The following RGL1 variants were observed in gnomAD, a reference collection of about 807,000 sequenced individuals.
RGL1 encodes the protein ral guanine nucleotide dissociation stimulator like 1.
In RGL1, 24 loss-of-function variants were observed where a neutral mutation model predicts 95.2. That is an observed-to-expected ratio of 0.25 (90% confidence interval 0.18 to 0.35). The LOEUF is 0.35. Among genes scored for constraint, RGL1 ranks in the 10% least tolerant of loss-of-function variants. RGL1 has a pLI of 1.00. For synonymous variants in RGL1, 329 were observed against 344.9 expected (o/e 0.95, Z 0.51); for missense variants, 715 against 936.3 (o/e 0.76, Z 3.08).
intron 1 of RGL1, among the ~76,000 whole-genome samples, chr1:183,644,273 C>T (rs971532190): frequency 4.6e-5 from 7 of 152,066 alleles, no homozygotes; most frequent in Non-Finnish European, 7.4e-5. Flanking sequence ...TGGGCAGTTA[C>T]TTAAATTATC....
chr1:183,910,939 A>G (rs1668608585), intron 14 of RGL1, among the ~76,000 whole-genome samples: 1 of 152,192 alleles, frequency 6.6e-6, no homozygotes, highest in Non-Finnish European at 1.5e-5. Flanking sequence ...TAAGCACATT[A>G]TTAGTTTTGT....
chr1:183,824,857 A>G (rs1298364354), intron 2 of RGL1, among the ~76,000 whole-genome samples: 3 of 148,036 alleles, frequency 2.0e-5, no homozygotes, highest in Non-Finnish European at 3.0e-5. Flanking sequence ...ATGCTTTCCT[A>G]ATGTTTGGGA....
chr1:183,791,959 T>C (rs1436905562), intron 2 of RGL1, among the ~76,000 whole-genome samples: 1 of 152,214 alleles, frequency 6.6e-6, no homozygotes, highest in Non-Finnish European at 1.5e-5. Flanking sequence ...TAATTTCCCA[T>C]GTATATGTAT....
chr1:183,739,197 C>G (rs1455307619), intron 1 of RGL1, among the ~76,000 whole-genome samples: 1 of 152,208 alleles, frequency 6.6e-6, no homozygotes, highest in Non-Finnish European at 1.5e-5. Context: ...ATGATCCATT[C>G]CCTGTGATGT....
At chr1:183,652,897 T>C (rs924327020) in intron 1 of RGL1, among the ~76,000 whole-genome samples, 1 of 152,184 alleles carries the variant, frequency 6.6e-6, no homozygotes, top group Non-Finnish European at 1.5e-5. Flanking sequence ...TTCCATAGTT[T>C]AACATAAATG....
At chr1:183,879,076 A>T (rs1666679441) in intron 4 of RGL1, among the ~76,000 whole-genome samples, 1 of 152,252 alleles carries the variant, frequency 6.6e-6, no homozygotes, top group African/African-American at 2.4e-5. Context: ...ATTTCATTTA[A>T]TCTGGACTAA....
rs548290030 is a variant in RGL1 at position 183,792,962 on chromosome 1, T to A, written c.133-13413T>A. Among the ~76,000 whole-genome samples, 210 of 152,214 alleles carry A rather than the reference T, an allele frequency of 1.4e-3. 1 individual carries two copies. Among genetic ancestry groups the A allele is most frequent in the Non-Finnish European group, 1.4e-3 (92 of 67,980 alleles). Reference sequence around the variant, plus strand: ...AGAAAAAACAGTCCTAAAATTTGTATGTAACAACAAAAGAGCCAGAATAGC... The same window carrying A: ...AGAAAAAACAGTCCTAAAATTTGTAAGTAACAACAAAAGAGCCAGAATAGC... On this transcript the variant is annotated intron_variant, in intron 2 of 18. Coordinates refer to the RGL1 transcript ENST00000304685.
At chr1:183,889,727 GA>G (rs1181294053) in intron 8 of RGL1, among the ~76,000 whole-genome samples, 2 of 151,952 alleles carry the variant, frequency 1.3e-5, no homozygotes, top group Admixed American at 6.6e-5. Flanking sequence ...TGGGTAAAAA[GA>G]AAAAAATAAA....
chr1:183,643,319 G>T (rs920439531), intron 1 of RGL1, among the ~76,000 whole-genome samples: 9 of 149,716 alleles, frequency 6.0e-5, no homozygotes, highest in African/African-American at 2.2e-4. Context: ...TTGAGACGGG[G>T]TCTCACTCTG....
At chr1:183,838,281 AG>A (rs1663802747) in intron 2 of RGL1, among the ~76,000 whole-genome samples, 1 of 152,220 alleles carries the variant, frequency 6.6e-6, no homozygotes, top group African/African-American at 2.4e-5. Context: ...CCAAGACTCC[AG>A]GAGTACTACT....
In RGL1 at chr1:183,817,882, C is replaced by T. The variant is rs557330310; in HGVS notation, c.138+11397C>T. Among the ~76,000 whole-genome samples, 3 of 152,286 alleles carry T rather than the reference C, an allele frequency of 2.0e-5. No homozygotes were observed. The East Asian group carries it at 5.8e-4, about 29-fold the overall frequency. ...ACCTCAGGAACCAGCTTTCAGACAA[C>T]GTACTGTTAAGGGTATCCTGGAGGG... On this transcript the variant is annotated intron_variant, in intron 2 of 17. Coordinates refer to ENST00000360851, the MANE Select transcript of RGL1 (RefSeq NM_001297671.3).
At chr1:183,788,023 A>G (rs1012427656) in intron 2 of RGL1, among the ~76,000 whole-genome samples, 2 of 152,156 alleles carry the variant, frequency 1.3e-5, no homozygotes, top group East Asian at 3.9e-4. Context: ...AGTCTCAGGT[A>G]TTCCTTTATA....
rs1304845604 is a variant in RGL1 at position 183,686,441 on chromosome 1, G to A, written c.-33+49940G>A. On this transcript the variant is annotated intron_variant, in intron 1 of 18. Transcript: ENST00000304685. The stretch of plus-strand genomic sequence containing the variant: ...AATTTGCTGACAATATGTTTTTTTT[G>A]TCTGCTAAGATAACTGGGAATTTCA... 2.9e-5 allele frequency among the ~76,000 whole-genome samples: 4 copies of A among 139,560 alleles called. No homozygotes were observed. The South Asian group carries it at 9.3e-4, about 33-fold the overall frequency. The allele number at this position is 139,560 out of a possible 152,430, so 91.6% of individuals were successfully genotyped here. A position where few individuals can be genotyped will look rare whatever the true frequency, so the allele number is the denominator to read the frequency against.
At chr1:183,732,179 T>C (rs1431279425) in intron 1 of RGL1, among the ~76,000 whole-genome samples, 2 of 152,180 alleles carry the variant, frequency 1.3e-5, no homozygotes, top group African/African-American at 2.4e-5. Flanking sequence ...ATTTGCATGA[T>C]TGCTGTTGTG....
intron 1 of RGL1, among the ~76,000 whole-genome samples, chr1:183,686,001 T>C (rs1653556857): frequency 6.6e-6 from 1 of 152,242 alleles, no homozygotes; most frequent in Non-Finnish European, 1.5e-5. Flanking sequence ...TCAACACATA[T>C]TAGTTTAGAG....
At chr1:183,918,765 A>C (rs1669143508) in intron 16 of RGL1, among the ~76,000 whole-genome samples, 1 of 152,184 alleles carries the variant, frequency 6.6e-6, no homozygotes, top group Non-Finnish European at 1.5e-5. Flanking sequence ...TTTATATTGC[A>C]CCAGGTGGTG....
intron 4 of RGL1, among the ~76,000 whole-genome samples, chr1:183,869,091 C>T (rs1666011521): frequency 6.6e-6 from 1 of 152,048 alleles, no homozygotes; most frequent in Admixed American, 6.5e-5. Flanking sequence ...GCACTCCAGC[C>T]TGGGCAACAG....
At chr1:183,776,303 C>G (rs1028870230) in intron 2 of RGL1, among the ~76,000 whole-genome samples, 50 of 151,450 alleles carry the variant, frequency 3.3e-4, no homozygotes, top group Non-Finnish European at 6.2e-4. Context: ...CGCCCGCTAC[C>G]ACGCCCGGCT....
intron 1 of RGL1, among the ~76,000 whole-genome samples, chr1:183,660,934 G>A (rs553922007): frequency 2.6e-5 from 4 of 152,240 alleles, no homozygotes; most frequent in South Asian, 2.1e-4. Context: ...CATGGAAACC[G>A]AACAACCTGC....
Sources: gnomAD v4.1 joint callset for allele counts (sites outside exome capture counted in the v4.1 genomes callset) on GRCh38, gnomAD v4.1.1 for gene constraint, MANE v1.5 for transcripts, NCBI Gene and HGNC (gene_info 2026-07-23, HGNC 2026-07-21) for gene names.